Variants in TBC1D9 observed in about 807,000 individuals in gnomAD.
The protein encoded by TBC1D9 is TBC1 domain family member 9.
A neutral mutation model predicts 132.0 loss-of-function variants in TBC1D9; 63 were observed. The observed-to-expected ratio is 0.48, with a 90% confidence interval of 0.39 to 0.59. The LOEUF (loss-of-function observed/expected upper bound fraction) is 0.59. Among genes scored for constraint, TBC1D9 ranks in the 20% least tolerant of loss-of-function variants. The pLI, the probability that TBC1D9 is intolerant of heterozygous loss-of-function variation, is 0.00. For synonymous variants in TBC1D9, 610 were observed against 609.9 expected (o/e 1.00, Z 0.00); for missense variants, 1,261 against 1,592.7 (o/e 0.79, Z 3.54).
intron 13 of TBC1D9, among the ~76,000 whole-genome samples, chr4:140,654,872 C>T (rs919280399): frequency 1.3e-5 from 2 of 151,344 alleles, no homozygotes; most frequent in Non-Finnish European, 2.9e-5. Flanking sequence ...GATTCTAAGA[C>T]AATAATCAGA....
chr4:140,633,968 C>T lies in TBC1D9; in HGVS notation c.2726G>A (p.Arg909Gln), dbSNP rs755870465. The change falls in exon 16 of 21, where the codon CGG becomes CAG. Residue 909 changes from arginine to glutamine, a missense_variant. Around this residue, in one of 3 missense-constraint regions of TBC1D9, gnomAD observed 618 missense variants for 724.4 expected, o/e 0.85. Coordinates refer to ENST00000442267, the MANE Select transcript of TBC1D9 (RefSeq NM_015130.3). ...DENGDSLINF[R>Q]EFVSGLSAAC... ...CTTACTTAGCCCAGAGACAAACTCC[C>T]GGAAGTTAATCAAAGAGTCTCCATT... 2.5e-6 allele frequency: 4 copies of T among 1,613,888 alleles called. No individual in the cohort carries two copies. The highest frequency in any genetic ancestry group is 2.2e-5 in the East Asian group (1 of 44,880).
intron 2 of TBC1D9, 77 bp downstream of exon 2, chr4:140,701,427 T>G: frequency 9.3e-7 from 1 of 1,080,504 alleles, no homozygotes; most frequent in Non-Finnish European, 1.4e-6. Flanking sequence ...AAGTACACGT[T>G]CCTTTCCTTC....
In TBC1D9 at chr4:140,670,852, C is replaced by A; in HGVS notation, c.1134G>T (p.Met378Ile). 6.2e-7 allele frequency: 1 copy of A among 1,614,026 alleles called. No individual in the cohort carries two copies. The highest frequency in any genetic ancestry group is 1.1e-5 in the South Asian group (1 of 91,076). ...SPLSISTRNR[M>I]TFLFANLKDR... is the part of the protein sequence containing the mutation. ...CTTTCAAGTTGGCAAATAGGAAGGTCATCCTGTTTCGGGTGCTGATGGATA... is the reference window on the plus strand; with the variant it reads ...CTTTCAAGTTGGCAAATAGGAAGGTAATCCTGTTTCGGGTGCTGATGGATA... Residue 378 changes from methionine (M) to isoleucine (I), a missense_variant, in exon 7 of 21, where the codon ATG becomes ATT. Transcript: ENST00000442267.
chr4:140,628,195 T>C, intron 17 of TBC1D9, 105 bp downstream of exon 17: 2 of 889,068 alleles, frequency 2.2e-6, no homozygotes, highest in Admixed American at 2.0e-5. Flanking sequence ...GACTCATGAA[T>C]GATGGTGTAT....
chr4:140,681,537 G>A (rs2111020268), intron 3 of TBC1D9, among the ~76,000 whole-genome samples: 1 of 152,168 alleles, frequency 6.6e-6, no homozygotes, highest in South Asian at 2.1e-4. Flanking sequence ...CAAATGGTGG[G>A]CTTACGATGC....
intron 6 of TBC1D9, among the ~76,000 whole-genome samples, chr4:140,673,641 C>T (rs898696020): frequency 6.6e-6 from 1 of 152,170 alleles, no homozygotes; most frequent in Admixed American, 6.5e-5. Context: ...AAGGCACTGC[C>T]GTCTCACTGA....
chr4:140,684,050 A>T (rs1737745051), intron 3 of TBC1D9, among the ~76,000 whole-genome samples: 2 of 152,194 alleles, frequency 1.3e-5, no homozygotes, highest in Admixed American at 1.3e-4. Context: ...TGGTCAAGAA[A>T]AAAAGACGAG....
chr4:140,680,847 C>A (rs761782683), intron 3 of TBC1D9, among the ~76,000 whole-genome samples: 1 of 152,074 alleles, frequency 6.6e-6, no homozygotes, highest in African/African-American at 2.4e-5. Flanking sequence ...CCTTGATGCT[C>A]CCTAAAAATT....
At chr4:140,723,395 G>A (rs146445398) in intron 1 of TBC1D9, among the ~76,000 whole-genome samples, 38 of 152,270 alleles carry the variant, frequency 2.5e-4, no homozygotes, top group African/African-American at 7.9e-4. Flanking sequence ...GTACAATGGC[G>A]TCATCTGGGC....
chr4:140,657,332 G>C, intron 12 of TBC1D9, 106 bp from the exon 13 acceptor site: 2 of 1,432,480 alleles, frequency 1.4e-6, no homozygotes, highest in Non-Finnish European at 1.9e-6. Flanking sequence ...CAAAGGACTA[G>C]AGTTTCTTTA....
chr4:140,648,434 G>A (rs936659391), intron 13 of TBC1D9, among the ~76,000 whole-genome samples: 4 of 147,600 alleles, frequency 2.7e-5, no homozygotes, highest in Non-Finnish European at 5.9e-5. Flanking sequence ...TGTCCAAGAC[G>A]GAGTGCAGTG....
rs564471007 is a variant in TBC1D9, at chr4:140,711,090, T to C, written c.131-9476A>G. Among the ~76,000 whole-genome samples, 12 of 152,294 alleles carry C rather than the reference T, an allele frequency of 7.9e-5. 1 individual carries two copies. In the South Asian group the frequency reaches 1.5e-3, roughly 18 times the overall value. On this transcript the variant is annotated intron_variant, in intron 1 of 20. Coordinates refer to ENST00000442267, the MANE Select transcript of TBC1D9 (RefSeq NM_015130.3). ...CCAGTGAGGACAATGTGATTGAAGT[T>C]ATTAAAAAATTACGCCAAGCCTTGT... is the stretch of plus-strand genomic sequence containing the variant.
At chr4:140,681,111 A>G (rs1414011151) in intron 3 of TBC1D9, among the ~76,000 whole-genome samples, 1 of 152,126 alleles carries the variant, frequency 6.6e-6, no homozygotes, top group Non-Finnish European at 1.5e-5. Flanking sequence ...ACTGGACTAC[A>G]TCCTACCCAA....
chr4:140,732,212 A>G (rs2111069010), intron 1 of TBC1D9, among the ~76,000 whole-genome samples: 1 of 152,312 alleles, frequency 6.6e-6, no homozygotes, highest in East Asian at 1.9e-4. Flanking sequence ...CAGTGGTTTT[A>G]ATTTATTAAA....
chr4:140,646,775 G>A (rs1441808854), intron 13 of TBC1D9, among the ~76,000 whole-genome samples: 1 of 152,138 alleles, frequency 6.6e-6, no homozygotes, highest in Non-Finnish European at 1.5e-5. Flanking sequence ...TGTGGTGAGT[G>A]GGTCTCAACC....
rs568042505 is a variant in TBC1D9 at position 140,643,570 on chromosome 4, G to C, written c.2338-4142C>G. ...TCTGACATTTCTAGGCTGGGCTGGGGCTCGCTCAGGGCCGCCTGGGCCAGG... is the reference window on the plus strand; with the variant it reads ...TCTGACATTTCTAGGCTGGGCTGGGCCTCGCTCAGGGCCGCCTGGGCCAGG... On this transcript the variant is annotated intron_variant, in intron 13 of 20. Transcript: ENST00000442267. The C allele has an allele frequency of 1.1e-3, 972 of 886,620 alleles. 2 individuals carry two copies. Among genetic ancestry groups the C allele is most frequent in the Non-Finnish European group, 1.5e-3 (848 of 574,260 alleles). 54.9% of individuals were successfully genotyped at this position (886,620 alleles called of 1,614,324 possible). A position where few individuals can be genotyped will look rare whatever the true frequency, so the allele number is the denominator to read the frequency against.
intron 13 of TBC1D9, among the ~76,000 whole-genome samples, chr4:140,651,327 G>A (rs1209253772): frequency 6.6e-6 from 1 of 152,154 alleles, no homozygotes; most frequent in Admixed American, 6.5e-5. Flanking sequence ...GCCAGGTGTA[G>A]TGGTGCACAC....
intron 6 of TBC1D9, among the ~76,000 whole-genome samples, 152 bp downstream of exon 6, chr4:140,676,742 T>C (rs1279442252): frequency 6.6e-6 from 1 of 152,262 alleles, no homozygotes; most frequent in South Asian, 2.1e-4. Context: ...GTCACAGCAG[T>C]GACAACAAAT....
At chr4:140,654,586 G>C (rs1486956776) in intron 13 of TBC1D9, among the ~76,000 whole-genome samples, 5 of 152,224 alleles carry the variant, frequency 3.3e-5, no homozygotes, top group Admixed American at 1.3e-4. Flanking sequence ...ATAAAGGTCT[G>C]AGGATTCCTT....
Sources: gnomAD v4.1 joint callset for allele counts (sites outside exome capture counted in the v4.1 genomes callset) on GRCh38, gnomAD v4.1.1 for gene constraint, gnomAD v4.1.1 regional missense constraint, MANE v1.5 for transcripts, NCBI Gene and HGNC (gene_info 2026-07-23, HGNC 2026-07-21) for gene names.